The following AGBL4 variants were observed in gnomAD, a reference collection of about 807,000 sequenced individuals.
The protein encoded by AGBL4 is AGBL carboxypeptidase 4.
In AGBL4, 58 loss-of-function variants were observed where a neutral mutation model predicts 66.4. That is an observed-to-expected ratio of 0.87 (90% CI 0.71 to 1.09). AGBL4 has a LOEUF of 1.09. Ranked by LOEUF, AGBL4 falls within the 50% of genes least tolerant of loss-of-function variation. AGBL4 has a pLI of 0.00. For synonymous variants in AGBL4, 234 were observed against 222.9 expected (o/e 1.05, Z -0.44); for missense variants, 579 against 631.0 (o/e 0.92, Z 0.88).
chr1:49,875,981 C>T (rs1180243005), intron 1 of AGBL4, among the ~76,000 whole-genome samples: 3 of 146,114 alleles, frequency 2.1e-5, no homozygotes, highest in African/African-American at 7.6e-5. Context: ...GTTCATGTCC[C>T]TCGCCCACTT....
intron 4 of AGBL4, among the ~76,000 whole-genome samples, chr1:49,134,535 C>T (rs1027440182): frequency 4.1e-4 from 55 of 133,122 alleles, no homozygotes; most frequent in Non-Finnish European, 7.4e-4. Context: ...TATTAATATT[C>T]CTTACTGGGG....
intron 5 of AGBL4, among the ~76,000 whole-genome samples, chr1:48,910,308 T>C (rs1652978006): frequency 6.6e-6 from 1 of 152,186 alleles, no homozygotes; most frequent in Non-Finnish European, 1.5e-5. Context: ...TAGTTGAAAT[T>C]CACTGAACAT....
chr1:49,585,110 A>G (rs553379903), intron 3 of AGBL4, among the ~76,000 whole-genome samples: 1 of 152,342 alleles, frequency 6.6e-6, no homozygotes, highest in African/African-American at 2.4e-5. Flanking sequence ...CACCTATTAT[A>G]GTTAGAGTTA....
chr1:49,052,394 A>C (rs1454189508), intron 4 of AGBL4, among the ~76,000 whole-genome samples: 2 of 152,210 alleles, frequency 1.3e-5, no homozygotes, highest in African/African-American at 4.8e-5. Context: ...GGCAGCAAGA[A>C]GAGAAGACTG....
At chr1:48,921,621 C>T (rs1654085538) in intron 5 of AGBL4, among the ~76,000 whole-genome samples, 3 of 152,084 alleles carry the variant, frequency 2.0e-5, no homozygotes, top group Admixed American at 2.0e-4. Flanking sequence ...TATAATATAA[C>T]CAAATAATAT....
chr1:48,755,518 G>A (rs1224100248), intron 6 of AGBL4, among the ~76,000 whole-genome samples: 1 of 152,190 alleles, frequency 6.6e-6, no homozygotes, highest in Non-Finnish European at 1.5e-5. Context: ...TGAGGCCCAG[G>A]GGGCAGAGAA....
intron 3 of AGBL4, among the ~76,000 whole-genome samples, chr1:49,356,736 G>C (rs1054751731): frequency 6.6e-6 from 1 of 152,188 alleles, no homozygotes; most frequent in Non-Finnish European, 1.5e-5. Flanking sequence ...AGTGCTGAAG[G>C]TTTGTTGAGC....
At chr1:49,286,017 A>C (rs879888676) in intron 3 of AGBL4, among the ~76,000 whole-genome samples, 1 of 152,214 alleles carries the variant, frequency 6.6e-6, no homozygotes, top group Non-Finnish European at 1.5e-5. Flanking sequence ...ATCCACCATG[A>C]TCAAGTGGGC....
intron 3 of AGBL4, among the ~76,000 whole-genome samples, chr1:49,473,130 T>G (rs1646779142): frequency 6.6e-6 from 1 of 152,098 alleles, no homozygotes; most frequent in Admixed American, 6.6e-5. Context: ...TGCATGTATT[T>G]TTTGGTAAAA....
chr1:49,481,535 T>TG (rs1646955526), intron 3 of AGBL4, among the ~76,000 whole-genome samples: 1 of 151,796 alleles, frequency 6.6e-6, no homozygotes, highest in Non-Finnish European at 1.5e-5. Flanking sequence ...TGGACTGAGA[T>TG]GGAGTTTTCT....
intron 3 of AGBL4, among the ~76,000 whole-genome samples, chr1:49,622,649 A>G (rs943431222): frequency 9.8e-4 from 148 of 150,950 alleles, no homozygotes; most frequent in Middle Eastern, 3.4e-3. Context: ...AAAAAAAAAA[A>G]AAAAAGAAAA....
At chr1:49,672,714 A>T (rs568096795) in intron 3 of AGBL4, among the ~76,000 whole-genome samples, 1 of 152,064 alleles carries the variant, frequency 6.6e-6, no homozygotes, top group African/African-American at 2.4e-5. Flanking sequence ...TGAGGTCAGG[A>T]GTTCAAGACC....
rs1211287210 is a variant in AGBL4, at chr1:49,947,975, TATAA to T, written c.34+75784_34+75787del. Among the ~76,000 whole-genome samples the T allele has an allele frequency of 8.2e-4, 59 of 71,890 alleles. 1 individual carries two copies. Among genetic ancestry groups the T allele is most frequent in the Non-Finnish European group, 1.2e-3 (42 of 35,502 alleles). 47.2% of individuals were successfully genotyped at this position (71,890 alleles called of 152,430 possible). On this transcript the variant is annotated intron_variant, in intron 1 of 13. Transcript: ENST00000371839. ...CAATATATATATAAATATATATATT[TATAA>T]ATATATATTTATATATATAAATATA...
At chr1:49,534,003 A>C (rs1651353808) in intron 3 of AGBL4, among the ~76,000 whole-genome samples, 1 of 152,012 alleles carries the variant, frequency 6.6e-6, no homozygotes, top group Admixed American at 6.6e-5. Flanking sequence ...TAGGGTTTCT[A>C]AAGAGGGGTC....
intron 1 of AGBL4, among the ~76,000 whole-genome samples, chr1:49,944,722 C>T (rs1169653598): frequency 6.6e-6 from 1 of 151,806 alleles, no homozygotes; most frequent in African/African-American, 2.4e-5. Flanking sequence ...CCCTGATTTA[C>T]CTGAATAAGA....
intron 8 of AGBL4, among the ~76,000 whole-genome samples, chr1:48,636,487 A>T (rs1361942934): frequency 6.6e-6 from 1 of 152,212 alleles, no homozygotes; most frequent in African/African-American, 2.4e-5. Flanking sequence ...AAGGTCACTG[A>T]GCTACTATGT....
intron 3 of AGBL4, among the ~76,000 whole-genome samples, chr1:49,365,455 G>A (rs1324501575): frequency 6.6e-6 from 1 of 151,564 alleles, no homozygotes; most frequent in African/African-American, 2.4e-5. Flanking sequence ...GCATAGATAG[G>A]ATAGCTGTTC....
intron 2 of AGBL4, among the ~76,000 whole-genome samples, chr1:49,785,255 T>A (rs1396322990): frequency 6.6e-6 from 1 of 151,928 alleles, no homozygotes; most frequent in East Asian, 1.9e-4. Flanking sequence ...AGTTTCAATA[T>A]CTATCCCACA....
Position 48,663,346 on chromosome 1 carries a change from C to T in AGBL4, c.635-105G>A, listed in dbSNP as rs149594668. 359 of 1,022,948 alleles carry T rather than the reference C, an allele frequency of 3.5e-4. No individual in the cohort carries two copies. The African/African-American group carries it at 5.3e-3, about 15-fold the overall frequency. 63.4% of individuals were successfully genotyped at this position (1,022,948 alleles called of 1,614,324 possible). A position where few individuals can be genotyped will look rare whatever the true frequency, so the allele number is the denominator to read the frequency against. ...CAGAGGGAATGGGCTGGATGTTTTA[C>T]ATTTACCTCTTAAACCACTGGGTTA... is the stretch of plus-strand genomic sequence containing the variant. On this transcript the variant is annotated intron_variant, in intron 6 of 13. Coordinates refer to ENST00000371839, the MANE Select transcript of AGBL4 (RefSeq NM_032785.4).
Sources: gnomAD v4.1 joint callset for allele counts (sites outside exome capture counted in the v4.1 genomes callset) on GRCh38, gnomAD v4.1.1 for gene constraint, MANE v1.5 for transcripts, NCBI Gene and HGNC (gene_info 2026-07-23, HGNC 2026-07-21) for gene names.